The following FARS2 variants were observed in gnomAD, a reference collection of about 807,000 sequenced individuals.
FARS2 encodes phenylalanine--tRNA ligase, mitochondrial.
In FARS2, 40 loss-of-function variants were observed where a neutral mutation model predicts 46.4. The ratio of observed to expected loss-of-function variants is 0.86; its 90% confidence interval spans 0.67 to 1.12. The LOEUF is 1.12. Among genes scored for constraint, FARS2 ranks in the 50% most tolerant of loss-of-function variants. FARS2 has a pLI of 0.00. For missense variants in FARS2, 513 were observed against 567.9 expected (o/e 0.90, Z 0.98); for synonymous variants, 234 against 214.9 (o/e 1.09, Z -0.78).
Position 5,603,310 on chromosome 6 carries a change from A to G in FARS2, c.1066-9859A>G, listed in dbSNP as rs538276373. Among the ~76,000 whole-genome samples, 26 of 152,234 alleles carry G rather than the reference A, an allele frequency of 1.7e-4. No individual in the cohort carries two copies. The East Asian group carries it at 4.8e-3, about 28-fold the overall frequency. ...TGGTTTTCGCCACGTTGGCCAGGCT[A>G]GGAGCCTCTGTAGATTTAGACAGCT... is the stretch of plus-strand genomic sequence containing the variant. On this transcript the variant is annotated intron_variant, in intron 5 of 6. Transcript: ENST00000274680.
intron 1 of FARS2, among the ~76,000 whole-genome samples, chr6:5,338,659 G>A (rs1472457311): frequency 6.6e-6 from 1 of 151,362 alleles, no homozygotes; most frequent in African/African-American, 2.4e-5. Context: ...GATTTGCAGG[G>A]CACTTCATGG....
chr6:5,709,713 T>G (rs1759005943), intron 6 of FARS2, among the ~76,000 whole-genome samples: 6 of 82,832 alleles, frequency 7.2e-5, no homozygotes, highest in East Asian at 2.8e-4. Flanking sequence ...TGCACGTGCA[T>G]GTTGGGGGGG....
chr6:5,691,133 A>G (rs1279298857), intron 6 of FARS2, among the ~76,000 whole-genome samples: 2 of 152,246 alleles, frequency 1.3e-5, no homozygotes, highest in East Asian at 3.9e-4. Context: ...AATGGGTTCA[A>G]ACTTCCTCCT....
intron 5 of FARS2, among the ~76,000 whole-genome samples, chr6:5,593,905 G>A (rs1203194572): frequency 6.6e-6 from 1 of 152,178 alleles, no homozygotes; most frequent in African/African-American, 2.4e-5. Flanking sequence ...CAGGGTAGCA[G>A]GTGGCTGAAC....
At chr6:5,366,251 C>G (rs921467812) in intron 1 of FARS2, among the ~76,000 whole-genome samples, 2 of 152,190 alleles carry the variant, frequency 1.3e-5, no homozygotes, top group Non-Finnish European at 1.5e-5. Context: ...ACAATACTTA[C>G]ATCACAGAAC....
rs60303146 is a variant in FARS2 at position 5,584,142 on chromosome 6, C to CACA, written c.1066-29027_1066-29026insACA. On this transcript the variant is annotated intron_variant, in intron 5 of 6. Transcript: ENST00000274680. ...ACACACACACACACACACACACACA[C>CACA]TCCTTGAGTGTTCGGATGAGGACCC... Among the ~76,000 whole-genome samples the CACA allele has an allele frequency of 9.3e-5, 14 of 149,974 alleles. No individual in the cohort carries two copies. In the East Asian group the frequency reaches 2.7e-3, roughly 29 times the overall value.
At chr6:5,526,904 G>A (rs1163968782) in intron 4 of FARS2, among the ~76,000 whole-genome samples, 6 of 151,992 alleles carry the variant, frequency 3.9e-5, no homozygotes, top group South Asian at 2.1e-4. Flanking sequence ...GGTGTGAGCC[G>A]CCACGTCTGG....
chr6:5,281,984 T>TA (rs1766763773), intron 1 of FARS2, among the ~76,000 whole-genome samples: 2 of 152,216 alleles, frequency 1.3e-5, no homozygotes, highest in South Asian at 2.1e-4. Context: ...ATGTGCTTGA[T>TA]ACTCCAAACT....
chr6:5,303,052 CAA>C (rs1768433998), intron 1 of FARS2, among the ~76,000 whole-genome samples: 1 of 152,106 alleles, frequency 6.6e-6, no homozygotes, highest in Non-Finnish European at 1.5e-5. Flanking sequence ...GGTGCAGGTA[CAA>C]ATCTTTTAGA....
Position 5,427,613 on chromosome 6 carries a change from A to G in FARS2, c.773-3428A>G, listed in dbSNP as rs545289982. On this transcript the variant is annotated intron_variant, in intron 3 of 6. Transcript: ENST00000274680. ...GTCTGTGTTTTCTGTTTTAGTTACT[A>G]TGGTAGTATCAATAGATTCTGCTCC... Among the ~76,000 whole-genome samples, 4 of 152,162 alleles carry G rather than the reference A, an allele frequency of 2.6e-5. No homozygotes were observed. The South Asian group carries it at 6.2e-4, about 24-fold the overall frequency.
chr6:5,741,469 G>T (rs1047336882), intron 6 of FARS2, among the ~76,000 whole-genome samples: 8 of 152,132 alleles, frequency 5.3e-5, no homozygotes, highest in Non-Finnish European at 8.8e-5. Context: ...CCCAGCAGCT[G>T]GGGGAGCCTT....
intron 1 of FARS2, among the ~76,000 whole-genome samples, chr6:5,262,795 T>C (rs1182921217): frequency 2.6e-5 from 4 of 152,266 alleles, no homozygotes; most frequent in Admixed American, 2.0e-4. Context: ...TTGTTTATTA[T>C]TATTTTTTAA....
At position 5,295,644 on chromosome 6, in the gene FARS2, G is replaced by A. The variant is rs569941698; in HGVS notation, c.-22+33984G>A. On this transcript the variant is annotated intron_variant, in intron 1 of 6. Transcript: ENST00000274680. ...CCATAGTCTTTGAAACTATTTTTGA[G>A]CCAAAATTATTAACAAGCCATTTTG... is the stretch of plus-strand genomic sequence containing the variant. Among the ~76,000 whole-genome samples the A allele has an allele frequency of 2.6e-5, 4 of 152,114 alleles. No homozygotes were observed. The South Asian group carries it at 8.3e-4, about 32-fold the overall frequency.
chr6:5,733,999 A>G (rs778949396), intron 6 of FARS2, among the ~76,000 whole-genome samples: 3 of 152,258 alleles, frequency 2.0e-5, no homozygotes, highest in Admixed American at 6.5e-5. Context: ...ACCTGCTATT[A>G]TAATCACCAT....
chr6:5,502,530 C>T (rs1211446781), intron 4 of FARS2, among the ~76,000 whole-genome samples: 4 of 152,078 alleles, frequency 2.6e-5, no homozygotes, highest in Non-Finnish European at 4.4e-5. Context: ...CAATATTTAC[C>T]ATTCACATAA....
chr6:5,341,215 ATATATATATATATATATATATTTTTTTT>A, intron 1 of FARS2, among the ~76,000 whole-genome samples: 1 of 8,406 alleles, frequency 1.2e-4, no homozygotes, highest in Admixed American at 9.8e-4. Context: ...ATATATATAT[ATATATATATATATATATATATTTTTTTT>A]TTTTTTTTTT....
intron 4 of FARS2, among the ~76,000 whole-genome samples, chr6:5,501,685 G>C (rs1229824058): frequency 6.6e-6 from 1 of 151,992 alleles, no homozygotes; most frequent in Non-Finnish European, 1.5e-5. Flanking sequence ...AGTAGAGATG[G>C]GGTTTTGCCA....
At chr6:5,370,623 A>G (rs1758997508) in intron 2 of FARS2, among the ~76,000 whole-genome samples, 1 of 151,968 alleles carries the variant, frequency 6.6e-6, no homozygotes, top group Admixed American at 6.6e-5. Flanking sequence ...ATAAGAAAGG[A>G]CTGTGTGCTC....
At chr6:5,716,416 A>T (rs532281485) in intron 6 of FARS2, among the ~76,000 whole-genome samples, 7 of 152,318 alleles carry the variant, frequency 4.6e-5, no homozygotes, top group African/African-American at 1.4e-4. Context: ...TGAGCTTGAA[A>T]AACAAAACAA....
Sources: gnomAD v4.1 joint callset for allele counts (sites outside exome capture counted in the v4.1 genomes callset) on GRCh38, gnomAD v4.1.1 for gene constraint, MANE v1.5 for transcripts, NCBI Gene and HGNC (gene_info 2026-07-23, HGNC 2026-07-21) for gene names.